MYH3: variants seen among roughly 807,000 people sequenced by gnomAD.
The protein encoded by MYH3 is myosin heavy chain 3, also known as myosin-3.
Under a neutral mutation model 238.0 loss-of-function variants are expected in MYH3, and 130 were observed. That is an observed-to-expected ratio of 0.55 (90% CI 0.47 to 0.63). The LOEUF is 0.63. Ranked by LOEUF, MYH3 falls within the 30% of genes least tolerant of loss-of-function variation. MYH3 has a pLI of 0.00. For synonymous variants in MYH3, 880 were observed against 924.1 expected (o/e 0.95, Z 0.86); for missense variants, 1,853 against 2,374.9 (o/e 0.78, Z 4.57).
the MYH3 span, among the ~76,000 whole-genome samples, chr17:10,669,946 T>C: frequency 3.6e-3 from 544 of 152,176 alleles, 2 homozygotes; most frequent in Non-Finnish European, 5.9e-3. Context: ...AAAATCATCT[T>C]CAGCTCTGCT....
chr17:10,639,040 A>G lies in MYH3; in HGVS notation c.3248+4T>C, dbSNP rs768542908. ...AAATGGAAGCCAGTGGTTGAAGGGCATACTTCTTGAGCCTTTCGTCCAGCT... is the reference window on the plus strand; with the variant it reads ...AAATGGAAGCCAGTGGTTGAAGGGCGTACTTCTTGAGCCTTTCGTCCAGCT... On this transcript the variant is annotated splice_donor_region_variant and intron_variant, in intron 25 of 40. Transcript: ENST00000583535. 20 of 1,614,138 alleles carry G rather than the reference A, an allele frequency of 1.2e-5. No individual in the cohort carries two copies. Among genetic ancestry groups the G allele is most frequent in the Non-Finnish European group, 1.7e-5 (20 of 1,180,050 alleles).
chr17:10,663,870 G>A, the MYH3 span, among the ~76,000 whole-genome samples: 2 of 151,802 alleles, frequency 1.3e-5, no homozygotes, highest in African/African-American at 2.4e-5. Flanking sequence ...CGAGACCAGC[G>A]TGACCAACAT....
chr17:10,645,576 G>A (rs2074313145), intron 12 of MYH3, 131 bp downstream of exon 12: 1 of 1,181,584 alleles, frequency 8.5e-7, no homozygotes, highest in Non-Finnish European at 1.2e-6. Flanking sequence ...GGCCCCCTCA[G>A]CCTCCCAAAG....
the MYH3 span, chr17:10,675,707 A>G: frequency 3.3e-5 from 5 of 152,134 alleles, no homozygotes; most frequent in Non-Finnish European, 1.5e-5. Flanking sequence ...ACTTCATCCT[A>G]ACACAATTAT....
chr17:10,632,314 T>C (rs1380852646), intron 34 of MYH3, among the ~76,000 whole-genome samples, 162 bp downstream of exon 34: 1 of 152,164 alleles, frequency 6.6e-6, no homozygotes, highest in Non-Finnish European at 1.5e-5. Flanking sequence ...AGATAAGGTT[T>C]TGCTATATTG....
At chr17:10,636,794 G>A (rs1381043156) in intron 28 of MYH3, among the ~76,000 whole-genome samples, 2 of 151,842 alleles carry the variant, frequency 1.3e-5, no homozygotes, top group South Asian at 2.1e-4. Context: ...TGCGTCTGTA[G>A]TCCCAGCTAC....
the MYH3 span, among the ~76,000 whole-genome samples, chr17:10,669,980 G>A: frequency 6.6e-6 from 1 of 152,114 alleles, no homozygotes; most frequent in East Asian, 1.9e-4. Flanking sequence ...GTGATTTAAG[G>A]CACAAGAGAG....
In MYH3 at chr17:10,640,205, C is replaced by T. The variant is rs1303823400; in HGVS notation, c.2473G>A (p.Val825Ile). 5 of 1,614,094 alleles carry T rather than the reference C, an allele frequency of 3.1e-6. No homozygotes were observed. The highest frequency in any genetic ancestry group is 4.2e-6 in the Non-Finnish European group (5 of 1,180,056). Residue 825 changes from valine (V) to isoleucine (I), a missense_variant, in exon 22 of 41, where the codon GTC becomes ATC. This residue lies in a region of MYH3 where 678 missense variants were observed against 1,058.9 expected (regional missense o/e 0.64). Coordinates refer to ENST00000583535, the MANE Select transcript of MYH3 (RefSeq NM_002470.4). ...IQYNIRSFMN[V>I]KHWPWMKLFF... Reference sequence around the variant, plus strand: ...AGTTTCATCCAGGGCCAGTGCTTGACGTTCATGAATGAGCGAATGTTGTAC... The same window carrying T: ...AGTTTCATCCAGGGCCAGTGCTTGATGTTCATGAATGAGCGAATGTTGTAC...
At chr17:10,664,055 T>G in the MYH3 span, among the ~76,000 whole-genome samples, 6 of 95,212 alleles carry the variant, frequency 6.3e-5, no homozygotes, top group African/African-American at 3.0e-4. Flanking sequence ...AGAGTGAGAC[T>G]CCGTCTTAAA....
At chr17:10,637,412 C>T (rs986105535) in intron 28 of MYH3, among the ~76,000 whole-genome samples, 1 of 152,140 alleles carries the variant, frequency 6.6e-6, no homozygotes, top group Non-Finnish European at 1.5e-5. Context: ...CCATGTTTCT[C>T]TCTTTAGTCT....
chr17:10,651,392 T>C, intron 5 of MYH3, 120 bp downstream of exon 5: 1 of 1,571,414 alleles, frequency 6.4e-7, no homozygotes, highest in Admixed American at 1.7e-5. Context: ...TTTGGCTCCT[T>C]CTTCCTCCTT....
intron 31 of MYH3, 69 bp from the exon 32 acceptor site, chr17:10,634,251 A>C: frequency 1.3e-6 from 2 of 1,571,214 alleles, no homozygotes; most frequent in South Asian, 2.2e-5. Context: ...AATACTAAAT[A>C]ACTAAATTAA....
chr17:10,642,224 C>T lies in MYH3; in HGVS notation c.1959+16G>A. On this transcript the variant is annotated intron_variant, in intron 17 of 40. Transcript: ENST00000583535. The surrounding 1 kb of genome is among the most constrained non-coding windows in gnomAD (Gnocchi z 5.4). ...CTTAAATCAATTATAAGCAAATAAA[C>T]TTGTATTTTTCTTACCCTGAAAAGG... 1 of 1,608,542 alleles carries T rather than the reference C, an allele frequency of 6.2e-7. No individual in the cohort carries two copies. The highest frequency in any genetic ancestry group is 1.3e-5 in the African/African-American group (1 of 74,888).
the MYH3 span, chr17:10,675,120 G>C: frequency 6.6e-6 from 1 of 152,320 alleles, no homozygotes; most frequent in Non-Finnish European, 1.5e-5. Flanking sequence ...CCGTCCTCCA[G>C]CTTAGGGGTG....
chr17:10,635,129 G>C lies in MYH3; in HGVS notation c.4173-106C>G, dbSNP rs16943577. On this transcript the variant is annotated intron_variant, in intron 30 of 40. Transcript: ENST00000583535. The stretch of plus-strand genomic sequence containing the variant: ...TAATCTATGTGATTCAGACACCCAT[G>C]TGTTTTTATACGCCCAGGAGAATTT... The C allele has an allele frequency of 4.9e-3, 6,882 of 1,391,968 alleles. 290 individuals are homozygous for C. In the African/African-American group the frequency reaches 0.086, roughly 17 times the overall value. 86.2% of individuals were successfully genotyped at this position (1,391,968 alleles called of 1,614,324 possible). A position where few individuals can be genotyped will look rare whatever the true frequency, so the allele number is the denominator to read the frequency against.
intron 8 of MYH3, among the ~76,000 whole-genome samples, chr17:10,648,298 G>A (rs1336555316): frequency 1.3e-5 from 2 of 152,008 alleles, no homozygotes; most frequent in Admixed American, 6.6e-5. Context: ...CTCATACTGC[G>A]GCTCTCAGCT....
At chr17:10,641,972 G>A (rs1349915186) in intron 17 of MYH3, among the ~76,000 whole-genome samples, 1 of 152,200 alleles carries the variant, frequency 6.6e-6, no homozygotes, top group Non-Finnish European at 1.5e-5. Context: ...TCTATTGCTG[G>A]TGTCCTTTAG....
chr17:10,632,882 A>C, intron 33 of MYH3, 98 bp from the exon 34 acceptor site: 1 of 1,277,358 alleles, frequency 7.8e-7, no homozygotes, highest in Non-Finnish European at 1.1e-6. Flanking sequence ...ATAGTCCTAA[A>C]TCTAATCCTA....
Position 10,652,403 on chromosome 17 carries a change from C to T in MYH3, c.348+17G>A, listed in dbSNP as rs373896699. ...ATCTAATGCCCCAGGGAAACCACGTCGAAAGCCCTCGCTGACATAGATCAT... is the reference window on the plus strand; with the variant it reads ...ATCTAATGCCCCAGGGAAACCACGTTGAAAGCCCTCGCTGACATAGATCAT... On this transcript the variant is annotated intron_variant, in intron 4 of 40. Coordinates refer to ENST00000583535, the MANE Select transcript of MYH3 (RefSeq NM_002470.4). The T allele has an allele frequency of 3.9e-5, 63 of 1,613,530 alleles. No individual in the cohort carries two copies. The highest frequency in any genetic ancestry group is 1.6e-4 in the Middle Eastern group (1 of 6,082).
Sources: gnomAD v4.1 joint callset for allele counts (sites outside exome capture counted in the v4.1 genomes callset) on GRCh38, gnomAD v4.1.1 for gene constraint, gnomAD v4.1.1 regional missense constraint, Gnocchi (gnomAD v3.1) non-coding constraint, MANE v1.5 for transcripts, NCBI Gene and HGNC (gene_info 2026-07-23, HGNC 2026-07-21) for gene names.